The following C15orf39 variants were observed in gnomAD, a reference collection of about 807,000 sequenced individuals.
C15orf39 encodes the protein uncharacterized protein C15orf39.
In C15orf39, 24 loss-of-function variants were observed where a neutral mutation model predicts 53.9. The ratio of observed to expected loss-of-function variants is 0.45; its 90% CI spans 0.32 to 0.63. The LOEUF (loss-of-function observed/expected upper bound fraction) is 0.63, where lower values mean the gene tolerates loss of function less well. Ranked by LOEUF, C15orf39 falls within the 20% of genes least tolerant of loss-of-function variation. C15orf39 has a pLI of 0.04. For synonymous variants in C15orf39, 569 were observed against 576.5 expected (o/e 0.99, Z 0.19); for missense variants, 1,271 against 1,347.9 (o/e 0.94, Z 0.89).
At position 75,208,804 on chromosome 15, in the gene C15orf39, A is replaced by T; in HGVS notation, c.2756A>T (p.Asp919Val). ...GACCTTCTCGGCCTGCAGTGGCGCG[A>T]CTGTGTACGCCGCCAGCTGGGTGAG... ...YPDLLGLQWR[D>V]CVRRQLGDFD... Residue 919 changes from aspartate to valine, a missense_variant, in exon 2 of 3, where the codon GAC becomes GTC. Transcript: ENST00000394987. 6.2e-7 allele frequency: 1 copy of T among 1,603,530 alleles called. No individual in the cohort carries two copies. Among genetic ancestry groups the T allele is most frequent in the Non-Finnish European group, 8.5e-7 (1 of 1,177,516 alleles).
chr15:75,206,602 C>T lies in C15orf39; in HGVS notation c.554C>T (p.Thr185Ile). 1 of 1,613,874 alleles carries T rather than the reference C, an allele frequency of 6.2e-7. No individual in the cohort carries two copies. The change falls in exon 2 of 3, where the codon ACT becomes ATT. Residue 185 changes from threonine to isoleucine, a missense_variant. Thr to Ile is a moderately conservative substitution (Grantham distance 89). This residue lies in a region of C15orf39 where 994 missense variants were observed against 993.7 expected (regional missense o/e 1.00). Transcript: ENST00000394987. ...SLAPAPSKGQTLDGTFLRGVP... is the reference protein window; with the variant it reads ...SLAPAPSKGQILDGTFLRGVP... ...GCCCCAGCTCCTAGCAAGGGCCAGA[C>T]TCTGGATGGCACCTTCTTGCGGGGG...
chr15:75,206,813 G>A lies in C15orf39; in HGVS notation c.765G>A (p.Gln255=). The A allele has an allele frequency of 1.2e-6, 2 of 1,605,262 alleles. No homozygotes were observed. Among genetic ancestry groups the A allele is most frequent in the Non-Finnish European group, 1.7e-6 (2 of 1,175,950 alleles). Residue 255 remains glutamine (Q), a synonymous_variant, in exon 2 of 3, where the codon CAG becomes CAA. Coordinates refer to ENST00000394987, the MANE Select transcript of C15orf39 (RefSeq NM_015492.5). ...GPSSPWTQLA[Q]PLGPPCQDTG... is the part of the protein sequence containing the mutation. ...CAAGTCCTTGGACCCAGCTGGCCCAGCCCCTGGGGCCACCCTGTCAGGACA... is the reference window on the plus strand; with the variant it reads ...CAAGTCCTTGGACCCAGCTGGCCCAACCCCTGGGGCCACCCTGTCAGGACA...
Position 75,207,816 on chromosome 15 carries a change from G to A in C15orf39, c.1768G>A (p.Ala590Thr), listed in dbSNP as rs1210231016. 4.3e-6 allele frequency: 7 copies of A among 1,612,322 alleles called. No individual in the cohort carries two copies. Among genetic ancestry groups the A allele is most frequent in the Non-Finnish European group, 5.9e-6 (7 of 1,179,434 alleles). ...KPTAEASPVKASRSVEHAKPT... is the reference protein window; with the variant it reads ...KPTAEASPVKTSRSVEHAKPT... ...CACAGCAGAGGCCTCCCCTGTCAAG[G>A]CTTCCCGTTCTGTGGAGCATGCCAA... Residue 590 changes from alanine (A) to threonine (T), a missense_variant, in exon 2 of 3, where the codon GCT (alanine) becomes ACT (threonine). By Grantham distance (58) the Ala-to-Thr change is moderately conservative. Transcript: ENST00000394987.
rs1453176092 is a variant in C15orf39 at position 75,211,055 on chromosome 15, CA to C, written c.3085del (p.Arg1029AspfsTer62). 1.2e-6 allele frequency: 2 copies of C among 1,605,570 alleles called. No individual in the cohort carries two copies. The highest frequency in any genetic ancestry group is 4.5e-5 in the East Asian group (2 of 44,882). On this transcript the variant is annotated frameshift_variant, in exon 3 of 3. Coordinates refer to ENST00000394987, the MANE Select transcript of C15orf39 (RefSeq NM_015492.5). LOFTEE classifies it high-confidence loss of function. ...LALPTWGHKS[S>X]RPDQPSPCPQ... ...CTGCCCACCTGGGGCCACAAGTCCT[CA>C]AGACCAGACCAGCCCTCACCCTGCC...
At position 75,205,982 on chromosome 15, in the gene C15orf39, T is replaced by C; in HGVS notation, c.-50-17T>C. The C allele has an allele frequency of 1.4e-6, 2 of 1,443,786 alleles. No individual in the cohort carries two copies. The highest frequency in any genetic ancestry group is 9.2e-7 in the Non-Finnish European group (1 of 1,091,238). The allele number at this position is 1,443,786 out of a possible 1,614,324, so 89.4% of individuals were successfully genotyped here. A position where few individuals can be genotyped will look rare whatever the true frequency, so the allele number is the denominator to read the frequency against. ...CCTGTTTTCCTGACAGCCCCTGCCT[T>C]TCTCTCTCTATCCCAGGTCAGAAGT... On this transcript the variant is annotated splice_polypyrimidine_tract_variant and intron_variant, in intron 1 of 2. Transcript: ENST00000394987.
rs1438679866 is a variant in C15orf39 at position 75,211,724 on chromosome 15, T to G, written c.*608T>G. On this transcript the variant is annotated 3_prime_UTR_variant, in exon 3 of 3. Transcript: ENST00000394987. ...CAGCCTGGAGCTCCCTGAGGGAGCC[T>G]GCACTCCCTGCTCCCAATCCCCGCT... The G allele has an allele frequency of 6.6e-6, 1 of 152,216 alleles. No homozygotes were observed. The highest frequency in any genetic ancestry group is 1.5e-5 in the Non-Finnish European group (1 of 68,030). 9.4% of individuals were successfully genotyped at this position (152,216 alleles called of 1,614,324 possible).
chr15:75,208,937 G>T, intron 2 of C15orf39, 113 bp downstream of exon 2: 2 of 1,454,150 alleles, frequency 1.4e-6, no homozygotes, highest in Non-Finnish European at 9.0e-7. Flanking sequence ...ACTCCTGCCC[G>T]GGTAGGGGGC....
chr15:75,207,627 C>T lies in C15orf39; in HGVS notation c.1579C>T (p.Pro527Ser), dbSNP rs1277366850. ...DVPAPEATTEPDSATAEPDSA... is the reference protein window; with the variant it reads ...DVPAPEATTESDSATAEPDSA... ...GCCGGCACCCGAGGCCACAACTGAGCCTGACTCTGCCACAGCTGAGCCTGA... is the reference window on the plus strand; with the variant it reads ...GCCGGCACCCGAGGCCACAACTGAGTCTGACTCTGCCACAGCTGAGCCTGA... The change falls in exon 2 of 3, where the codon CCT becomes TCT. Residue 527 changes from proline (P) to serine (S), a missense_variant. By Grantham distance (74) the Pro-to-Ser change is moderately conservative. Transcript: ENST00000394987. 1 of 1,612,260 alleles carries T rather than the reference C, an allele frequency of 6.2e-7. No homozygotes were observed. Among genetic ancestry groups the T allele is most frequent in the South Asian group, 1.1e-5 (1 of 91,044 alleles).
At position 75,211,203 on chromosome 15, in the gene C15orf39, C is replaced by A. The variant is rs940962853; in HGVS notation, c.*87C>A. ...GCTGCCCCGGGGCCACGAGTGGATG[C>A]TGGGGCTGTGGCTGCTCCCCTGGAG... On this transcript the variant is annotated 3_prime_UTR_variant, in exon 3 of 3. Coordinates refer to ENST00000394987, the MANE Select transcript of C15orf39 (RefSeq NM_015492.5). 8.7e-6 allele frequency: 13 copies of A among 1,497,288 alleles called. No homozygotes were observed. Among genetic ancestry groups the A allele is most frequent in the Non-Finnish European group, 1.1e-5 (12 of 1,124,556 alleles). The allele number at this position is 1,497,288 out of a possible 1,614,324, so 92.8% of individuals were successfully genotyped here.
At chr15:75,202,920 C>T (rs922341757) in intron 1 of C15orf39, among the ~76,000 whole-genome samples, 3 of 152,234 alleles carry the variant, frequency 2.0e-5, no homozygotes, top group Admixed American at 6.5e-5. Context: ...GCGAAATCGG[C>T]TGTGGGCCCT....
In C15orf39 at chr15:75,208,590, C is replaced by T; in HGVS notation, c.2542C>T (p.Leu848=). 6.3e-7 allele frequency: 1 copy of T among 1,579,330 alleles called. No individual in the cohort carries two copies. The highest frequency in any genetic ancestry group is 8.6e-7 in the Non-Finnish European group (1 of 1,163,178). ...RAGAIFVPIH[L]VKERLFPRLP... Reference sequence around the variant, plus strand: ...TGGCGCCATCTTCGTGCCCATTCACCTGGTGAAGGAGCGGCTCTTCCCTCG... The same window carrying T: ...TGGCGCCATCTTCGTGCCCATTCACTTGGTGAAGGAGCGGCTCTTCCCTCG... The change falls in exon 2 of 3, where the codon CTG becomes TTG. Residue 848 remains leucine (L), a synonymous_variant. Coordinates refer to ENST00000394987, the MANE Select transcript of C15orf39 (RefSeq NM_015492.5).
chr15:75,208,299 C>T lies in C15orf39; in HGVS notation c.2251C>T (p.Pro751Ser), dbSNP rs1308722861. 4 of 1,576,452 alleles carry T rather than the reference C, an allele frequency of 2.5e-6. No homozygotes were observed. Among genetic ancestry groups the T allele is most frequent in the African/African-American group, 2.7e-5 (2 of 74,068 alleles). ...TCCAGCTCCAGCTCCAGTTGCAGGCCCTGCTCCAGCATCTACTTCAGCCCC... is the reference window on the plus strand; with the variant it reads ...TCCAGCTCCAGCTCCAGTTGCAGGCTCTGCTCCAGCATCTACTTCAGCCCC... ...PAPAPAPVAG[P>S]APASTSAPGD... The change falls in exon 2 of 3, where the codon CCT (proline) becomes TCT (serine). Residue 751 changes from proline to serine, a missense_variant. Transcript: ENST00000394987.
rs1214915250 is a variant in C15orf39, at chr15:75,208,603, G to A, written c.2555G>A (p.Arg852Gln). The A allele has an allele frequency of 2.5e-6, 4 of 1,583,060 alleles. No homozygotes were observed. Among genetic ancestry groups the A allele is most frequent in the Non-Finnish European group, 3.4e-6 (4 of 1,165,342 alleles). The change falls in exon 2 of 3, where the codon CGG becomes CAG. Residue 852 changes from arginine (R) to glutamine (Q), a missense_variant. Physicochemically the swap from Arg to Gln is conservative, Grantham distance 43 (BLOSUM62 1). Coordinates refer to ENST00000394987, the MANE Select transcript of C15orf39 (RefSeq NM_015492.5). ...GTGCCCATTCACCTGGTGAAGGAGC[G>A]GCTCTTCCCTCGGCTGCCACCCGCT... is the stretch of plus-strand genomic sequence containing the variant. ...IFVPIHLVKE[R>Q]LFPRLPPASV... is the part of the protein sequence containing the mutation.
In C15orf39 at chr15:75,211,081, C is replaced by G. The variant is rs958322409; in HGVS notation, c.3109C>G (p.Pro1037Ala). The G allele has an allele frequency of 6.2e-7, 1 of 1,601,222 alleles. No individual in the cohort carries two copies. Among genetic ancestry groups the G allele is most frequent in the Admixed American group, 1.7e-5 (1 of 60,010 alleles). The change falls in exon 3 of 3, where the codon CCA becomes GCA. Residue 1037 changes from proline (P) to alanine (A), a missense_variant. Coordinates refer to ENST00000394987, the MANE Select transcript of C15orf39 (RefSeq NM_015492.5). ...SSRPDQPSPC[P>A]QLLDSQSHHL Reference sequence around the variant, plus strand: ...AAGACCAGACCAGCCCTCACCCTGCCCACAGCTGCTGGACAGCCAGAGCCA... The same window carrying G: ...AAGACCAGACCAGCCCTCACCCTGCGCACAGCTGCTGGACAGCCAGAGCCA...
Position 75,211,363 on chromosome 15 carries a change from C to CA in C15orf39, c.*248dup. Reference sequence around the variant, plus strand: ...AACACACATGGGCTTTGGAGCCCGACAGACCTGGGCTTGAATCCCGGCTCG... The same window carrying CA: ...AACACACATGGGCTTTGGAGCCCGACAAGACCTGGGCTTGAATCCCGGCTCG... On this transcript the variant is annotated 3_prime_UTR_variant, in exon 3 of 3. Coordinates refer to ENST00000394987, the MANE Select transcript of C15orf39 (RefSeq NM_015492.5). 1 of 444,120 alleles carries CA rather than the reference C, an allele frequency of 2.3e-6. No individual in the cohort carries two copies. The highest frequency in any genetic ancestry group is 6.3e-5 in the South Asian group (1 of 15,828). The allele number at this position is 444,120 out of a possible 1,614,324, so 27.5% of individuals were successfully genotyped here.
At position 75,206,587 on chromosome 15, in the gene C15orf39, C is replaced by T. The variant is rs746902353; in HGVS notation, c.539C>T (p.Pro180Leu). ...CCACCCTGCTCTCTGGCCCCAGCTC[C>T]TAGCAAGGGCCAGACTCTGGATGGC... ...ADPPCSLAPA[P>L]SKGQTLDGTF... is the part of the protein sequence containing the mutation. Residue 180 changes from proline to leucine, a missense_variant, in exon 2 of 3, where the codon CCT becomes CTT. Coordinates refer to ENST00000394987, the MANE Select transcript of C15orf39 (RefSeq NM_015492.5). The T allele has an allele frequency of 6.2e-7, 1 of 1,613,824 alleles. No individual in the cohort carries two copies. The highest frequency in any genetic ancestry group is 1.1e-5 in the South Asian group (1 of 91,072).
At position 75,211,373 on chromosome 15, in the gene C15orf39, C is replaced by T. The variant is rs2070482149; in HGVS notation, c.*257C>T. On this transcript the variant is annotated 3_prime_UTR_variant, in exon 3 of 3. Coordinates refer to ENST00000394987, the MANE Select transcript of C15orf39 (RefSeq NM_015492.5). The stretch of plus-strand genomic sequence containing the variant: ...GGCTTTGGAGCCCGACAGACCTGGG[C>T]TTGAATCCCGGCTCGTGTTCTTGCT... 2.3e-6 allele frequency: 1 copy of T among 425,620 alleles called. No individual in the cohort carries two copies. The highest frequency in any genetic ancestry group is 2.0e-5 in the African/African-American group (1 of 49,654). The allele number at this position is 425,620 out of a possible 1,614,324, so 26.4% of individuals were successfully genotyped here.
chr15:75,210,102 GGC>G lies in C15orf39; in HGVS notation c.2777-646_2777-645del, dbSNP rs57231523. On this transcript the variant is annotated intron_variant, in intron 2 of 2. Transcript: ENST00000394987. The stretch of plus-strand genomic sequence containing the variant: ...GCTGCCTGATCAGCAGTGGAGTCTG[GGC>G]ACTCCACACAGTCCGAGGTGCTCTG... Among the ~76,000 whole-genome samples the G allele has an allele frequency of 4.3e-3, 649 of 152,240 alleles. 4 individuals carry two copies. Among genetic ancestry groups the G allele is most frequent in the African/African-American group, 0.014 (594 of 41,536 alleles).
At chr15:75,204,395 GT>G (rs1236670493) in intron 1 of C15orf39, among the ~76,000 whole-genome samples, 1 of 152,230 alleles carries the variant, frequency 6.6e-6, no homozygotes, top group East Asian at 1.9e-4. Flanking sequence ...TCAGCACATA[GT>G]TTTTCCATCA....
Sources: allele counts gnomAD v4.1 joint callset (sites outside exome capture counted in the v4.1 genomes callset), GRCh38; gene constraint gnomAD v4.1.1; regional missense constraint gnomAD v4.1.1; transcripts MANE v1.5; gene names NCBI Gene and HGNC (gene_info 2026-07-23, HGNC 2026-07-21).